Variants in MORC4 observed in about 807,000 individuals in gnomAD.
The protein encoded by MORC4 is MORC family CW-type zinc finger 4.
Under a neutral mutation model 65.5 loss-of-function variants are expected in MORC4, and 22 were observed. The observed-to-expected ratio is 0.34, with a 90% CI of 0.24 to 0.48. MORC4 has a LOEUF of 0.48. MORC4 is among the 20% of genes least tolerant of loss of function. MORC4 has a pLI of 0.99. For missense variants in MORC4, 624 were observed against 703.0 expected, an observed-to-expected ratio of 0.89 and a Z score of 1.27; for synonymous variants, 267 against 255.8, an observed-to-expected ratio of 1.04 and a Z score of -0.42.
intron 9 of MORC4, among the ~76,000 whole-genome samples, chrX:106,975,333 G>A (rs1934600277): frequency 9.0e-6 from 1 of 110,882 alleles, no homozygotes; most frequent in Non-Finnish European, 1.9e-5. Context: ...GTTAAGTCCT[G>A]GTCAAAGATT....
chrX:106,959,542 T>A (rs764736169), intron 10 of MORC4, among the ~76,000 whole-genome samples: 22 of 112,086 alleles, frequency 2.0e-4, no homozygotes, highest in Non-Finnish European at 3.2e-4. Context: ...CTTGTTGTTG[T>A]TGTTTTTTCC....
intron 2 of MORC4, among the ~76,000 whole-genome samples, chrX:106,998,293 C>T (rs1243464486): frequency 8.9e-6 from 1 of 112,138 alleles, no homozygotes; most frequent in Non-Finnish European, 1.9e-5. Flanking sequence ...GTGCATAATA[C>T]ATACACATAC....
intron 8 of MORC4, among the ~76,000 whole-genome samples, 188 bp downstream of exon 8, chrX:106,977,892 G>A (rs1054450548): frequency 4.5e-5 from 5 of 111,450 alleles, no homozygotes; most frequent in African/African-American, 1.6e-4. Flanking sequence ...ATTAACAGCT[G>A]AAGAATGAGA....
In MORC4 at chrX:106,962,057, G is replaced by T. The variant is rs1569299980; in HGVS notation, c.1211C>A (p.Thr404Lys). 1 of 1,210,350 alleles carries T rather than the reference G, an allele frequency of 8.3e-7. No individual in the cohort carries two copies. The highest frequency in any genetic ancestry group is 1.8e-5 in the South Asian group (1 of 56,956). ...QKLNAYWKEK[T>K]SQDNFETSTV... ...TGAGGTCTCAAAATTATCTTGAGATGTTTTTTCCTTCCAGTAAGCATTGAG... is the reference window on the plus strand; with the variant it reads ...TGAGGTCTCAAAATTATCTTGAGATTTTTTTTCCTTCCAGTAAGCATTGAG... Residue 404 changes from threonine (T) to lysine (K), a missense_variant, in exon 10 of 17, where the codon ACA becomes AAA. Physicochemically the swap from Thr to Lys is moderately conservative, Grantham distance 78. Transcript: ENST00000355610.
At chrX:106,957,231 GAAAC>G (rs1204467629) in intron 11 of MORC4, among the ~76,000 whole-genome samples, 6 of 111,620 alleles carry the variant, frequency 5.4e-5, no homozygotes, top group African/African-American at 1.6e-4. Flanking sequence ...AGTAATCCTA[GAAAC>G]AAACAAAATT....
chrX:106,967,537 C>T (rs1483037437), intron 9 of MORC4, among the ~76,000 whole-genome samples: 1 of 111,818 alleles, frequency 8.9e-6, no homozygotes, highest in African/African-American at 3.3e-5. Flanking sequence ...AGGAAATGTT[C>T]TGACCCATAG....
chrX:106,949,364 C>T (rs1166198125), intron 14 of MORC4, among the ~76,000 whole-genome samples: 1 of 111,957 alleles, frequency 8.9e-6, no homozygotes, highest in Admixed American at 9.5e-5. Context: ...CTGATAAATC[C>T]AATATCTGAA....
chrX:106,972,661 G>A (rs753638553), intron 9 of MORC4, among the ~76,000 whole-genome samples: 7 of 111,681 alleles, frequency 6.3e-5, no homozygotes, highest in Admixed American at 1.9e-4. Flanking sequence ...GCTTGAGGCC[G>A]GGCACAGTAG....
chrX:106,964,093 C>G (rs145591097), intron 9 of MORC4, among the ~76,000 whole-genome samples: 1 of 111,491 alleles, frequency 9.0e-6, no homozygotes, highest in Non-Finnish European at 1.9e-5. Context: ...GATTTTAAAA[C>G]GGTCTTAAAG....
At chrX:106,984,033 A>C (rs1317364519) in intron 5 of MORC4, among the ~76,000 whole-genome samples, 2 of 111,992 alleles carry the variant, frequency 1.8e-5, no homozygotes, top group African/African-American at 6.5e-5. Context: ...ACGGTGGCTC[A>C]TGCCAGTAAT....
At chrX:106,964,119 T>C (rs959775228) in intron 9 of MORC4, among the ~76,000 whole-genome samples, 1 of 111,447 alleles carries the variant, frequency 9.0e-6, no homozygotes, top group Middle Eastern at 4.3e-3. Flanking sequence ...CAAAAAACTA[T>C]ATGAAGATGA....
intron 14 of MORC4, among the ~76,000 whole-genome samples, chrX:106,943,487 C>T (rs901532617): frequency 8.1e-5 from 9 of 111,277 alleles, no homozygotes; most frequent in African/African-American, 2.9e-4. Context: ...AGATTGCGAC[C>T]AGCCTGACTT....
chrX:106,982,496 G>A (rs1934769197), intron 5 of MORC4, among the ~76,000 whole-genome samples: 1 of 111,560 alleles, frequency 9.0e-6, no homozygotes, highest in South Asian at 3.8e-4. Context: ...GATTTTCCAG[G>A]ATAATTCTGA....
intron 9 of MORC4, among the ~76,000 whole-genome samples, chrX:106,964,348 G>T (rs1934323600): frequency 8.9e-6 from 1 of 111,756 alleles, no homozygotes; most frequent in African/African-American, 3.3e-5. Context: ...AGAGCAGAAA[G>T]AATAGACTGA....
At chrX:106,998,294 A>G (rs1202422501) in intron 2 of MORC4, among the ~76,000 whole-genome samples, 1 of 112,358 alleles carries the variant, frequency 8.9e-6, no homozygotes, top group Admixed American at 9.4e-5. Flanking sequence ...TGCATAATAC[A>G]TACACATACT....
At chrX:106,994,776 T>C (rs1009257985) in intron 2 of MORC4, among the ~76,000 whole-genome samples, 1 of 110,895 alleles carries the variant, frequency 9.0e-6, no homozygotes, top group Non-Finnish European at 1.9e-5. Context: ...AGTCAATCTT[T>C]TTTTTTTCTT....
chrX:106,997,862 C>T (rs1008133736), intron 2 of MORC4, among the ~76,000 whole-genome samples: 9 of 111,971 alleles, frequency 8.0e-5, no homozygotes, highest in African/African-American at 1.9e-4. Context: ...CTCCACAAAG[C>T]CTTTCCTAAC....
intron 1 of MORC4, 43 bp from the exon 2 acceptor site, chrX:106,999,792 C>T: frequency 1.0e-6 from 1 of 984,692 alleles, no homozygotes; most frequent in Non-Finnish European, 1.3e-6. Flanking sequence ...GGCCTCGGCC[C>T]GCCGGGCCCT....
intron 13 of MORC4, among the ~76,000 whole-genome samples, chrX:106,955,389 C>T (rs1443286368): frequency 1.8e-5 from 2 of 109,864 alleles, no homozygotes; most frequent in Admixed American, 1.9e-4. Context: ...CTCTTGTGAC[C>T]CAGTTTAAGG....
Sources: allele counts gnomAD v4.1 joint callset (sites outside exome capture counted in the v4.1 genomes callset), GRCh38; gene constraint gnomAD v4.1.1; transcripts MANE v1.5; gene names NCBI Gene and HGNC (gene_info 2026-07-23, HGNC 2026-07-21).